The following MCCC2 variants were observed in gnomAD, a reference collection of about 807,000 sequenced individuals.
MCCC2 encodes methylcrotonoyl-CoA carboxylase beta chain, mitochondrial.
A neutral mutation model predicts 77.2 loss-of-function variants in MCCC2; 52 were observed. The observed-to-expected ratio is 0.67, with a 90% CI of 0.54 to 0.85. The LOEUF (loss-of-function observed/expected upper bound fraction) is 0.85. Among genes scored for constraint, MCCC2 ranks in the 40% least tolerant of loss-of-function variants. The pLI is 0.00. For missense variants in MCCC2, 682 were observed against 703.2 expected (o/e 0.97, Z 0.34); for synonymous variants, 253 against 248.4 (o/e 1.02, Z -0.18).
chr5:71,646,086 A>T, intron 12 of MCCC2, 125 bp from the exon 13 acceptor site: 2 of 764,104 alleles, frequency 2.6e-6, no homozygotes, highest in Admixed American at 2.8e-5. Context: ...ATTAATAAGA[A>T]GAGAAAAAAT....
At chr5:71,605,895 C>T (rs1218560866) in intron 6 of MCCC2, among the ~76,000 whole-genome samples, 9 of 152,076 alleles carry the variant, frequency 5.9e-5, no homozygotes, top group Admixed American at 1.3e-4. Context: ...AGGTATGCGG[C>T]GTTATTTCTG....
At chr5:71,598,503 G>C (rs541679562) in intron 3 of MCCC2, among the ~76,000 whole-genome samples, 7 of 149,118 alleles carry the variant, frequency 4.7e-5, no homozygotes, top group Non-Finnish European at 1.0e-4. Context: ...GCAGTGGCAT[G>C]ATCTCAGCTC....
intron 3 of MCCC2, among the ~76,000 whole-genome samples, chr5:71,596,775 C>T (rs1745206380): frequency 6.6e-6 from 1 of 152,002 alleles, no homozygotes; most frequent in African/African-American, 2.4e-5. Flanking sequence ...CCCGTCTCTA[C>T]TAAAAATACA....
chr5:71,613,263 G>C (rs1746032047), intron 6 of MCCC2, among the ~76,000 whole-genome samples: 1 of 152,180 alleles, frequency 6.6e-6, no homozygotes, highest in Non-Finnish European at 1.5e-5. Flanking sequence ...TACTATTTAA[G>C]CACTATAGCC....
At chr5:71,642,931 AG>A (rs1348697092) in intron 11 of MCCC2, among the ~76,000 whole-genome samples, 1 of 151,976 alleles carries the variant, frequency 6.6e-6, no homozygotes, top group African/African-American at 2.4e-5. Flanking sequence ...TGAGCCCGGG[AG>A]GTTGAGGCTG....
At chr5:71,592,569 T>C (rs1006835712) in intron 1 of MCCC2, among the ~76,000 whole-genome samples, 14 of 152,032 alleles carry the variant, frequency 9.2e-5, no homozygotes, top group African/African-American at 3.4e-4. Context: ...GGAAAACAAA[T>C]AGAGATCAGT....
At position 71,658,024 on chromosome 5, in the gene MCCC2, T is replaced by C. The variant is rs1007553553; in HGVS notation, c.*1164T>C. On this transcript the variant is annotated 3_prime_UTR_variant, in exon 17 of 17. Coordinates refer to ENST00000340941, the MANE Select transcript of MCCC2 (RefSeq NM_022132.5). The stretch of plus-strand genomic sequence containing the variant: ...TCACTATCGCAGGCCTTAGAAGAGG[T>C]CTACCTGCCTCCAGTCTTACCTAGT... 4 of 152,116 alleles carry C rather than the reference T, an allele frequency of 2.6e-5. No homozygotes were observed. The highest frequency in any genetic ancestry group is 4.8e-5 in the African/African-American group (2 of 41,402). The allele number at this position is 152,116 out of a possible 1,614,324, so 9.4% of individuals were successfully genotyped here. A position where few individuals can be genotyped will look rare whatever the true frequency, so the allele number is the denominator to read the frequency against.
chr5:71,623,720 T>C, intron 6 of MCCC2, among the ~76,000 whole-genome samples: 1 of 152,194 alleles, frequency 6.6e-6, no homozygotes, highest in South Asian at 2.1e-4. Context: ...GGGGGACCAT[T>C]TTAAAAGCCT....
At chr5:71,654,904 G>A (rs1747539275) in intron 16 of MCCC2, among the ~76,000 whole-genome samples, 2 of 150,380 alleles carry the variant, frequency 1.3e-5, no homozygotes, top group South Asian at 2.1e-4. Context: ...GCATGATCTC[G>A]GCTCACTGCA....
At chr5:71,589,010 T>G (rs1396764196) in intron 1 of MCCC2, among the ~76,000 whole-genome samples, 1 of 152,116 alleles carries the variant, frequency 6.6e-6, no homozygotes, top group African/African-American at 2.4e-5. Context: ...GGTGGCAATG[T>G]GGAGGATGGA....
chr5:71,634,977 G>A lies in MCCC2; in HGVS notation c.838G>A (p.Asp280Asn). Residue 280 changes from aspartate to asparagine, a missense_variant, in exon 9 of 17, where the codon GAT becomes AAT. By Grantham distance (23) the Asp-to-Asn change is conservative. Transcript: ENST00000340941. ...AGTAAGTGACCACTGGGCTTTGGAT[G>A]ATCATCATGCCCTTCACTTAACTAG... ...SGVSDHWALDDHHALHLTRKV... is the reference protein window; with the variant it reads ...SGVSDHWALDNHHALHLTRKV... 2 of 1,614,120 alleles carry A rather than the reference G, an allele frequency of 1.2e-6. No individual in the cohort carries two copies. The highest frequency in any genetic ancestry group is 1.3e-5 in the African/African-American group (1 of 75,030).
At chr5:71,648,301 G>A (rs1163893042) in intron 13 of MCCC2, among the ~76,000 whole-genome samples, 2 of 152,192 alleles carry the variant, frequency 1.3e-5, no homozygotes, top group African/African-American at 2.4e-5. Context: ...GGAGACAAGC[G>A]AAGCCCAACT....
intron 3 of MCCC2, among the ~76,000 whole-genome samples, chr5:71,599,050 C>G (rs932364480): frequency 5.3e-5 from 8 of 152,084 alleles, no homozygotes; most frequent in Non-Finnish European, 7.4e-5. Flanking sequence ...TGAGCCACCC[C>G]ACCTACCTCC....
chr5:71,621,655 A>G (rs1307505975), intron 6 of MCCC2, among the ~76,000 whole-genome samples: 1 of 152,136 alleles, frequency 6.6e-6, no homozygotes, highest in Non-Finnish European at 1.5e-5. Context: ...GAGCTCTTTT[A>G]TCTCTGTTTT....
intron 10 of MCCC2, among the ~76,000 whole-genome samples, chr5:71,639,989 T>G (rs994361987): frequency 1.3e-5 from 2 of 152,230 alleles, no homozygotes; most frequent in Admixed American, 1.3e-4. Flanking sequence ...AAAAGCGAAG[T>G]GCAAACTATG....
intron 10 of MCCC2, among the ~76,000 whole-genome samples, chr5:71,637,149 C>T (rs1746960860): frequency 6.6e-6 from 1 of 152,142 alleles, no homozygotes; most frequent in African/African-American, 2.4e-5. Flanking sequence ...AACATTTCCC[C>T]CCTTCTTCCT....
chr5:71,641,982 A>T (rs1747133543), intron 11 of MCCC2, among the ~76,000 whole-genome samples: 1 of 152,234 alleles, frequency 6.6e-6, no homozygotes, highest in Admixed American at 6.5e-5. Context: ...ATTTGTCACC[A>T]AATTGTTCAG....
intron 7 of MCCC2, among the ~76,000 whole-genome samples, chr5:71,631,685 C>T (rs1425282283): frequency 2.0e-5 from 3 of 151,982 alleles, no homozygotes; most frequent in East Asian, 1.9e-4. Flanking sequence ...GGACTACAGG[C>T]GCCCGCCACC....
intron 1 of MCCC2, among the ~76,000 whole-genome samples, chr5:71,588,705 G>A (rs1052860692): frequency 1.3e-5 from 2 of 152,174 alleles, no homozygotes; most frequent in African/African-American, 4.8e-5. Context: ...TTGGGTAAGA[G>A]CTGGCCAAGT....
Sources: gnomAD v4.1 joint callset for allele counts (sites outside exome capture counted in the v4.1 genomes callset) on GRCh38, gnomAD v4.1.1 for gene constraint, MANE v1.5 for transcripts, NCBI Gene and HGNC (gene_info 2026-07-23, HGNC 2026-07-21) for gene names.